Variants in CTBP2 observed in about 807,000 individuals in gnomAD.
CTBP2 encodes the protein C-terminal binding protein 2, also known as C-terminal-binding protein 2.
In CTBP2, 30 loss-of-function variants were observed where a neutral mutation model predicts 80.3. That is an observed-to-expected ratio of 0.37 (90% confidence interval 0.28 to 0.51). CTBP2 has a LOEUF of 0.51. Among genes scored for constraint, CTBP2 ranks in the 20% least tolerant of loss-of-function variants. The pLI, the probability that CTBP2 is intolerant of heterozygous loss-of-function variation, is 0.93. For missense variants in CTBP2, 1,212 were observed against 1,375.3 expected, an observed-to-expected ratio of 0.88 and a Z score of 1.88; for synonymous variants, 594 against 587.4, an observed-to-expected ratio of 1.01 and a Z score of -0.16.
intron 1 of CTBP2, among the ~76,000 whole-genome samples, chr10:125,023,457 C>G (rs968908361): frequency 2.6e-5 from 4 of 152,228 alleles, no homozygotes; most frequent in African/African-American, 4.8e-5. Flanking sequence ...GGTGACAGCA[C>G]GTGACACGGG....
chr10:125,034,003 G>C (rs1424311225), intron 3 of CTBP2, among the ~76,000 whole-genome samples: 3 of 152,160 alleles, frequency 2.0e-5, no homozygotes, highest in Non-Finnish European at 4.4e-5. Context: ...ACAGACTCCA[G>C]TTGCACTACA....
intron 2 of CTBP2, among the ~76,000 whole-genome samples, chr10:125,077,364 T>C (rs1846424324): frequency 2.0e-5 from 3 of 152,134 alleles, no homozygotes; most frequent in South Asian, 4.1e-4. Context: ...TCTGCAGAGT[T>C]GGTTTCTGAC....
chr10:125,147,438 G>A lies in CTBP2; in HGVS notation c.-206+12881C>T, dbSNP rs139856457. ...AGCGTTTCTTGGAGTGACCTAATAC[G>A]TAGTAACATCCCACAGACTAAAATT... On this transcript the variant is annotated intron_variant, in intron 1 of 10. Coordinates refer to the CTBP2 transcript ENST00000337195. Among the ~76,000 whole-genome samples the A allele has an allele frequency of 6.2e-3, 945 of 152,264 alleles. 2 individuals carry two copies. The highest frequency in any genetic ancestry group is 0.014 in the Middle Eastern group (4 of 294).
intron 1 of CTBP2, among the ~76,000 whole-genome samples, chr10:125,156,521 C>G (rs563438974): frequency 6.6e-6 from 1 of 152,132 alleles, no homozygotes; most frequent in African/African-American, 2.4e-5. Flanking sequence ...CTCAGCAGGG[C>G]TACTCCCTCA....
intron 2 of CTBP2, among the ~76,000 whole-genome samples, chr10:125,063,474 G>A (rs776273062): frequency 1.3e-5 from 2 of 152,146 alleles, no homozygotes; most frequent in African/African-American, 2.4e-5. Context: ...ACGTCGACTC[G>A]TGCGAAAGGC....
At chr10:125,161,689 A>G (rs1861905781), upstream of CTBP2, among the ~76,000 whole-genome samples, 1 of 151,978 alleles carries the variant, frequency 6.6e-6, no homozygotes, top group Non-Finnish European at 1.5e-5. Context: ...TGTGCCCTAA[A>G]AGAAGCAAAA....
At chr10:125,118,926 C>T (rs988584315) in intron 1 of CTBP2, among the ~76,000 whole-genome samples, 8 of 152,188 alleles carry the variant, frequency 5.3e-5, no homozygotes, top group African/African-American at 1.7e-4. Context: ...GTGCACACAC[C>T]CCTGTGAGAT....
In CTBP2 at chr10:125,026,785, C is replaced by T. The variant is rs1957643447; in HGVS notation, c.975G>A (p.Glu325=). ...GTGCGACAGACTTGATATCCGCGTCCTCCAGGGTAGCCAGGACGGCCGGGG... is the reference window on the plus strand; with the variant it reads ...GTGCGACAGACTTGATATCCGCGTCTTCCAGGGTAGCCAGGACGGCCGGGG... The change falls in exon 1 of 9, where the codon GAG becomes GAA. Residue 325 remains glutamate, a synonymous_variant. Coordinates refer to ENST00000309035, the MANE Select transcript of CTBP2 (RefSeq NM_022802.3). The T allele has an allele frequency of 6.2e-7, 1 of 1,613,056 alleles. No homozygotes were observed. The highest frequency in any genetic ancestry group is 8.5e-7 in the Non-Finnish European group (1 of 1,179,972).
intron 3 of CTBP2, among the ~76,000 whole-genome samples, chr10:125,002,635 G>A (rs535095728): frequency 4.3e-4 from 65 of 152,326 alleles, no homozygotes; most frequent in African/African-American, 1.5e-3. Context: ...TGGTTTAGAG[G>A]ACATGTGGCC....
rs77984616 is a variant in CTBP2, at chr10:125,117,213, C to T, written c.-205-6120G>A. Among the ~76,000 whole-genome samples, 612 of 152,330 alleles carry T rather than the reference C, an allele frequency of 4.0e-3. 2 individuals are homozygous for T. The highest frequency in any genetic ancestry group is 0.013 in the African/African-American group (544 of 41,572). On this transcript the variant is annotated intron_variant, in intron 1 of 10. Transcript: ENST00000337195. ...GGACGCGCAGTACAACGCATTGTAA[C>T]GGGGGCAGTGGGGGGTGGCACTGGG...
chr10:125,110,046 C>T (rs961913068), intron 2 of CTBP2, among the ~76,000 whole-genome samples: 9 of 152,196 alleles, frequency 5.9e-5, no homozygotes, highest in African/African-American at 1.9e-4. Context: ...CCATGTGTGC[C>T]CCTGGGCTCC....
intron 3 of CTBP2, 109 bp downstream of exon 5, chr10:125,002,851 A>G (rs953332419): frequency 1.4e-5 from 19 of 1,388,106 alleles, no homozygotes; most frequent in South Asian, 4.0e-5. Flanking sequence ...TGCTACAGCC[A>G]GAAGCGGCTG....
chr10:124,993,145 G>C, intron 7 of CTBP2, 57 bp downstream of exon 9: 1 of 1,562,984 alleles, frequency 6.4e-7, no homozygotes, highest in Non-Finnish European at 8.7e-7. Flanking sequence ...GACAGGAGCC[G>C]GCTGCACTGT....
At chr10:125,105,679 T>A (rs962112253) in intron 2 of CTBP2, among the ~76,000 whole-genome samples, 39 of 152,094 alleles carry the variant, frequency 2.6e-4, no homozygotes, top group African/African-American at 8.0e-4. Flanking sequence ...AGACATTTTT[T>A]TAAAAAAAAA....
At chr10:125,020,046 G>A (rs535778977) in intron 1 of CTBP2, among the ~76,000 whole-genome samples, 10 of 152,284 alleles carry the variant, frequency 6.6e-5, no homozygotes, top group South Asian at 2.1e-4. Context: ...GCAAAATAGC[G>A]TAGGGGCCCA....
intron 2 of CTBP2, among the ~76,000 whole-genome samples, chr10:125,102,198 C>A (rs1450002615): frequency 5.9e-5 from 9 of 152,186 alleles, no homozygotes; most frequent in Non-Finnish European, 1.3e-4. Flanking sequence ...AAGGTCAACA[C>A]CATCAGAGGA....
chr10:125,018,487 C>T (rs1374942368), intron 1 of CTBP2, among the ~76,000 whole-genome samples: 1 of 148,572 alleles, frequency 6.7e-6, no homozygotes, highest in Non-Finnish European at 1.5e-5. Context: ...AAGACTCTGT[C>T]TCAAAAAAAC....
intron 1 of CTBP2, chr10:125,005,900 A>T: frequency 6.6e-7 from 1 of 1,518,704 alleles, no homozygotes; most frequent in Non-Finnish European, 8.8e-7. Flanking sequence ...GTGCCTGATT[A>T]TAAGAAATCC....
chr10:125,003,223 G>A (rs936227031), intron 2 of CTBP2, 115 bp downstream of exon 4: 9 of 1,582,292 alleles, frequency 5.7e-6, no homozygotes, highest in African/African-American at 2.7e-5. Context: ...CAGCAGGAAA[G>A]CAGGGAACAG....
Sources: gnomAD v4.1 joint callset for allele counts (sites outside exome capture counted in the v4.1 genomes callset) on GRCh38, gnomAD v4.1.1 for gene constraint, MANE v1.5 for transcripts, NCBI Gene and HGNC (gene_info 2026-07-23, HGNC 2026-07-21) for gene names.